The following DLG2 variants were observed in gnomAD, a reference collection of about 807,000 sequenced individuals.
DLG2 encodes discs large MAGUK scaffold protein 2, also known as disks large homolog 2.
DLG2 carries 45 observed loss-of-function variants against 132.5 expected under a neutral mutation model. The observed-to-expected ratio is 0.34, with a 90% CI of 0.27 to 0.44. DLG2 has a LOEUF of 0.44. Among genes scored for constraint, DLG2 ranks in the 20% least tolerant of loss-of-function variants. DLG2 has a pLI of 1.00. For missense variants in DLG2, 1,045 were observed against 1,196.9 expected, an observed-to-expected ratio of 0.87 and a Z score of 1.87; for synonymous variants, 424 against 419.6, an observed-to-expected ratio of 1.01 and a Z score of -0.13.
At chr11:83,981,491 G>C (rs1171302152) in intron 11 of DLG2, among the ~76,000 whole-genome samples, 1 of 151,956 alleles carries the variant, frequency 6.6e-6, no homozygotes, top group African/African-American at 2.4e-5. Context: ...GCCCAGGCTG[G>C]AGTGCAGTGG....
chr11:85,504,982 T>C (rs1238199397), intron 3 of DLG2, among the ~76,000 whole-genome samples: 1 of 152,214 alleles, frequency 6.6e-6, no homozygotes, highest in African/African-American at 2.4e-5. Context: ...CAATTGTGAA[T>C]GGAAGTTCAC....
chr11:84,465,307 G>A (rs2099091236), intron 7 of DLG2, among the ~76,000 whole-genome samples: 1 of 151,092 alleles, frequency 6.6e-6, no homozygotes, highest in East Asian at 2.0e-4. Context: ...AGGACCAGAT[G>A]GCTTCTGCCA....
At chr11:85,031,440 T>C (rs1592975782) in intron 6 of DLG2, among the ~76,000 whole-genome samples, 1 of 152,180 alleles carries the variant, frequency 6.6e-6, no homozygotes, top group East Asian at 1.9e-4. Flanking sequence ...ATGATGGTTT[T>C]ATTTTTCTCA....
intron 8 of DLG2, among the ~76,000 whole-genome samples, chr11:84,175,739 C>G (rs928634570): frequency 6.6e-6 from 1 of 152,108 alleles, no homozygotes; most frequent in Non-Finnish European, 1.5e-5. Flanking sequence ...GCCACATCAC[C>G]CTGCTCCTTC....
At chr11:85,615,263 T>C (rs771596909) in intron 2 of DLG2, among the ~76,000 whole-genome samples, 6 of 152,182 alleles carry the variant, frequency 3.9e-5, no homozygotes, top group Admixed American at 6.5e-5. Context: ...ATGCTTGTAA[T>C]CCCAGCATTT....
intron 7 of DLG2, among the ~76,000 whole-genome samples, chr11:84,356,318 A>G (rs1364140259): frequency 2.6e-5 from 4 of 152,138 alleles, no homozygotes; most frequent in Non-Finnish European, 5.9e-5. Flanking sequence ...ACCATATGTG[A>G]GGCATTGTTC....
At chr11:83,723,190 G>A (rs1265312336) in intron 18 of DLG2, among the ~76,000 whole-genome samples, 4 of 151,958 alleles carry the variant, frequency 2.6e-5, no homozygotes, top group South Asian at 2.1e-4. Flanking sequence ...AGACCAGCCC[G>A]GCCAACATGA....
chr11:84,990,606 G>A (rs2056987524), intron 6 of DLG2, among the ~76,000 whole-genome samples: 1 of 151,688 alleles, frequency 6.6e-6, no homozygotes, highest in South Asian at 2.1e-4. Context: ...AGCAGGAATG[G>A]ACTAAGACAT....
At chr11:85,461,470 A>G (rs969606260) in intron 3 of DLG2, among the ~76,000 whole-genome samples, 1 of 152,240 alleles carries the variant, frequency 6.6e-6, no homozygotes, top group South Asian at 2.1e-4. Flanking sequence ...GCTGATCTCT[A>G]CCATATTTGA....
At chr11:84,967,558 A>G (rs139323246) in intron 6 of DLG2, among the ~76,000 whole-genome samples, 82 of 152,268 alleles carry the variant, frequency 5.4e-4, no homozygotes, top group African/African-American at 1.9e-3. Flanking sequence ...ATTTTGTTTC[A>G]TAGAAGAGAT....
intron 6 of DLG2, among the ~76,000 whole-genome samples, chr11:84,933,485 T>C (rs773392389): frequency 6.6e-6 from 1 of 152,270 alleles, no homozygotes; most frequent in Middle Eastern, 3.2e-3. Context: ...ATATTAATTT[T>C]TCCTATCCAT....
At chr11:84,692,986 G>T (rs559664259) in intron 6 of DLG2, among the ~76,000 whole-genome samples, 10 of 151,686 alleles carry the variant, frequency 6.6e-5, no homozygotes, top group Admixed American at 1.3e-4. Context: ...TAATAACTGC[G>T]CAAACTGGAA....
intron 3 of DLG2, among the ~76,000 whole-genome samples, chr11:85,537,868 G>C (rs925261825): frequency 6.6e-6 from 1 of 151,970 alleles, no homozygotes; most frequent in Non-Finnish European, 1.5e-5. Context: ...TGTAATCCCA[G>C]CACTCTGGGA....
intron 7 of DLG2, among the ~76,000 whole-genome samples, chr11:84,510,928 G>C (rs2099255454): frequency 6.6e-6 from 1 of 152,022 alleles, no homozygotes; most frequent in Admixed American, 6.6e-5. Context: ...CAGGGACAGA[G>C]GGAGGAGGGC....
At chr11:84,281,017 G>A (rs187873672) in intron 7 of DLG2, among the ~76,000 whole-genome samples, 61 of 151,812 alleles carry the variant, frequency 4.0e-4, no homozygotes, top group East Asian at 2.1e-3. Flanking sequence ...CACCGTGCCC[G>A]GCCTAGATAA....
At chr11:85,020,741 T>A in intron 6 of DLG2, 1 of 643,250 alleles carries the variant, frequency 1.6e-6, no homozygotes, top group Admixed American at 1.8e-5. Flanking sequence ...TGAAACTGGA[T>A]AATGGGATAA....
At chr11:84,368,519 C>T (rs961137459) in intron 7 of DLG2, among the ~76,000 whole-genome samples, 3 of 152,000 alleles carry the variant, frequency 2.0e-5, no homozygotes, top group Admixed American at 1.3e-4. Context: ...GCAAATTGCT[C>T]ATTCAGAGAA....
At chr11:84,823,433 G>T (rs528532395) in intron 6 of DLG2, among the ~76,000 whole-genome samples, 1 of 151,784 alleles carries the variant, frequency 6.6e-6, no homozygotes, top group South Asian at 2.1e-4. Context: ...ACATACTCCA[G>T]CCTCTAACCT....
chr11:85,230,974 G>A (rs2075270500), intron 4 of DLG2, among the ~76,000 whole-genome samples: 1 of 151,870 alleles, frequency 6.6e-6, no homozygotes, highest in South Asian at 2.1e-4. Flanking sequence ...AAATCTGCTG[G>A]AACTTTGATC....
Sources: allele counts gnomAD v4.1 joint callset (sites outside exome capture counted in the v4.1 genomes callset), GRCh38; gene constraint gnomAD v4.1.1; transcripts MANE v1.5; gene names NCBI Gene and HGNC (gene_info 2026-07-23, HGNC 2026-07-21).